TAF1B: variants seen among roughly 807,000 people sequenced by gnomAD.
TAF1B encodes TATA-box binding protein associated factor, RNA polymerase I subunit B.
A neutral mutation model predicts 83.9 loss-of-function variants in TAF1B; 61 were observed. The observed-to-expected ratio is 0.73, with a 90% confidence interval of 0.59 to 0.90. TAF1B has a LOEUF of 0.90. TAF1B is among the 40% of genes least tolerant of loss of function. The pLI is 0.00. For synonymous variants in TAF1B, 221 were observed against 224.6 expected (o/e 0.98, Z 0.14); for missense variants, 625 against 677.0 (o/e 0.92, Z 0.85).
At chr2:9,909,433 G>GAGGAATGGGGGAAAGAGA (rs1378710383) in intron 9 of TAF1B, among the ~76,000 whole-genome samples, 41 of 152,366 alleles carry the variant, frequency 2.7e-4, no homozygotes, top group African/African-American at 9.6e-4. Flanking sequence ...AGCCTGAGAT[G>GAGGAATGGGGGAAAGAGA]AGGAATGGGG....
At chr2:9,875,596 A>G (rs1346076832) in intron 6 of TAF1B, among the ~76,000 whole-genome samples, 1 of 151,998 alleles carries the variant, frequency 6.6e-6, no homozygotes, top group Non-Finnish European at 1.5e-5. Context: ...CAGGGGAACT[A>G]CCCTTTATAA....
chr2:9,921,916 C>A (rs1319693588), intron 14 of TAF1B, among the ~76,000 whole-genome samples: 1 of 152,142 alleles, frequency 6.6e-6, no homozygotes, highest in Non-Finnish European at 1.5e-5. Flanking sequence ...AGTTACTTTA[C>A]CTTTCAGTGT....
In TAF1B at chr2:9,845,112, T is replaced by G; in HGVS notation, c.19-108T>G. The G allele has an allele frequency of 5.9e-6, 4 of 679,696 alleles. No individual in the cohort carries two copies. In the South Asian group the frequency reaches 8.9e-5, roughly 15 times the overall value. The allele number at this position is 679,696 out of a possible 1,614,324, so 42.1% of individuals were successfully genotyped here. ...ACATATTTTTTATTGTCTATGATTT[T>G]TTATTAATAAAGTTGCCAGGAACCC... On this transcript the variant is annotated intron_variant, in intron 1 of 14. Coordinates refer to ENST00000263663, the MANE Select transcript of TAF1B (RefSeq NM_005680.3).
chr2:9,865,896 A>T (rs1334144585), intron 5 of TAF1B, among the ~76,000 whole-genome samples: 6 of 151,424 alleles, frequency 4.0e-5, no homozygotes, highest in Admixed American at 3.9e-4. Context: ...TAGAAAGCTG[A>T]AACTGGATCC....
At chr2:9,921,907 G>C (rs1461832291) in intron 14 of TAF1B, among the ~76,000 whole-genome samples, 1 of 152,120 alleles carries the variant, frequency 6.6e-6, no homozygotes, top group East Asian at 1.9e-4. Flanking sequence ...TGACTTTGAA[G>C]TTACTTTACC....
Position 9,864,116 on chromosome 2 carries a change from A to G in TAF1B, c.400-4160A>G, listed in dbSNP as rs1025478135. Among the ~76,000 whole-genome samples the G allele has an allele frequency of 3.3e-5, 5 of 152,358 alleles. 1 individual carries two copies. The highest frequency in any genetic ancestry group is 4.1e-4 in the South Asian group (2 of 4,828). The stretch of plus-strand genomic sequence containing the variant: ...TAAGATCAGAGCAGAACTGTAGGAA[A>G]TAGAGACACAAAAAACCCTTCGAAA... On this transcript the variant is annotated intron_variant, in intron 5 of 14. Transcript: ENST00000263663.
chr2:9,930,602 G>C (rs1382757315), intron 14 of TAF1B, among the ~76,000 whole-genome samples: 1 of 152,196 alleles, frequency 6.6e-6, no homozygotes, highest in Non-Finnish European at 1.5e-5. Context: ...GTCAATTTTG[G>C]AGTAAGTGTG....
intron 2 of TAF1B, among the ~76,000 whole-genome samples, chr2:9,848,405 G>A (rs1438663824): frequency 6.6e-6 from 1 of 152,154 alleles, no homozygotes; most frequent in African/African-American, 2.4e-5. Flanking sequence ...GGTGGCTCAT[G>A]CCTGTAATCC....
chr2:9,908,693 A>G (rs1268102704), intron 9 of TAF1B, among the ~76,000 whole-genome samples: 1 of 152,226 alleles, frequency 6.6e-6, no homozygotes, highest in African/African-American at 2.4e-5. Context: ...GCCCAGGAGT[A>G]AATTCAGGTG....
At chr2:9,876,681 C>T (rs539850204) in intron 7 of TAF1B, among the ~76,000 whole-genome samples, 1 of 152,280 alleles carries the variant, frequency 6.6e-6, no homozygotes, top group East Asian at 1.9e-4. Flanking sequence ...GTGCTTTTAA[C>T]AGCACAAATT....
chr2:9,904,414 C>G lies in TAF1B; in HGVS notation c.808-445C>G, dbSNP rs394650. Among the ~76,000 whole-genome samples, 919 of 152,138 alleles carry G rather than the reference C, an allele frequency of 6.0e-3. 9 individuals are homozygous for G. The highest frequency in any genetic ancestry group is 0.019 in the African/African-American group (799 of 41,512). ...AAGATAATGGCCTCCAGCTCCATCC[C>G]TGTCACTGCAAAGGACATGATCTTG... On this transcript the variant is annotated intron_variant, in intron 8 of 14. Coordinates refer to ENST00000263663, the MANE Select transcript of TAF1B (RefSeq NM_005680.3).
intron 5 of TAF1B, among the ~76,000 whole-genome samples, chr2:9,865,121 A>G (rs940474223): frequency 1.3e-5 from 2 of 152,218 alleles, no homozygotes; most frequent in African/African-American, 4.8e-5. Flanking sequence ...AATAAAGGGC[A>G]TGCAATTAGG....
chr2:9,919,022 G>A lies in TAF1B; in HGVS notation c.1272-19G>A, dbSNP rs1471352575. On this transcript the variant is annotated intron_variant, in intron 12 of 14. Transcript: ENST00000263663. Reference sequence around the variant, plus strand: ...GTTTCATCTCCGTCCTGCTCCAGCTGTTTCTTTACCTTGTACAGGTACCTG... The same window carrying A: ...GTTTCATCTCCGTCCTGCTCCAGCTATTTCTTTACCTTGTACAGGTACCTG... 1 of 1,608,454 alleles carries A rather than the reference G, an allele frequency of 6.2e-7. No individual in the cohort carries two copies. The highest frequency in any genetic ancestry group is 8.5e-7 in the Non-Finnish European group (1 of 1,175,628).
At chr2:9,878,141 A>G (rs1329145268) in intron 7 of TAF1B, among the ~76,000 whole-genome samples, 6 of 151,932 alleles carry the variant, frequency 3.9e-5, no homozygotes, top group East Asian at 3.9e-4. Context: ...GACCTATCCT[A>G]CACCTTCTGA....
In TAF1B at chr2:9,882,801, T is replaced by C. The variant is rs1316154170; in HGVS notation, c.803T>C (p.Ile268Thr). Residue 268 changes from isoleucine (I) to threonine (T), a missense_variant, in exon 8 of 15, where the codon ATA becomes ACA. Ile to Thr is a moderately conservative substitution (Grantham distance 89, BLOSUM62 -1). Transcript: ENST00000263663. Reference protein sequence around the residue: ...LYGRDRGIFGIESWPDYEDIY... With the variant: ...LYGRDRGIFGTESWPDYEDIY... ...GGACGTGACAGAGGAATCTTTGGTA[T>C]AGAGGTAAGTTATTTTCTTTTTTAC... is the stretch of plus-strand genomic sequence containing the variant. 2 of 1,600,520 alleles carry C rather than the reference T, an allele frequency of 1.2e-6. No homozygotes were observed. Among genetic ancestry groups the C allele is most frequent in the Admixed American group, 3.5e-5 (2 of 57,866 alleles).
At chr2:9,918,944 A>C in intron 12 of TAF1B, 97 bp from the exon 13 acceptor site, 6 of 1,066,650 alleles carry the variant, frequency 5.6e-6, no homozygotes, top group South Asian at 2.6e-5. Context: ...AGCCAGAGCT[A>C]TAACGAAATA....
chr2:9,878,019 C>T (rs1412266611), intron 7 of TAF1B, among the ~76,000 whole-genome samples: 1 of 152,152 alleles, frequency 6.6e-6, no homozygotes, highest in Non-Finnish European at 1.5e-5. Flanking sequence ...CATTGATATT[C>T]TTCCTTTGCT....
rs369291963 is a variant in TAF1B, at chr2:9,933,976, C to T, written c.1759C>T (p.Arg587Ter). 460 of 1,586,642 alleles carry T rather than the reference C, an allele frequency of 2.9e-4. 1 individual carries two copies. The highest frequency in any genetic ancestry group is 1.2e-3 in the South Asian group (99 of 85,784). ...RKKSRSKKVR[R>*]H ...GAAATCAAGATCCAAGAAAGTGAGACGACATTGAGAAAATGAAATAGAAAC... is the reference window on the plus strand; with the variant it reads ...GAAATCAAGATCCAAGAAAGTGAGATGACATTGAGAAAATGAAATAGAAAC... The change falls in exon 15 of 15, where the codon CGA becomes TGA. Residue 587 changes from arginine (R) to a stop codon, truncating the protein, a stop_gained. Coordinates refer to ENST00000263663, the MANE Select transcript of TAF1B (RefSeq NM_005680.3). LOFTEE classifies it high-confidence loss of function.
chr2:9,879,439 T>C (rs980978120), intron 7 of TAF1B, among the ~76,000 whole-genome samples: 1 of 152,182 alleles, frequency 6.6e-6, no homozygotes, highest in Non-Finnish European at 1.5e-5. Context: ...TGGCATGATA[T>C]TTCATCATGT....
Sources: allele counts gnomAD v4.1 joint callset (sites outside exome capture counted in the v4.1 genomes callset), GRCh38; gene constraint gnomAD v4.1.1; transcripts MANE v1.5; gene names NCBI Gene and HGNC (gene_info 2026-07-23, HGNC 2026-07-21).